MYLK4: variants seen among roughly 807,000 people sequenced by gnomAD.
MYLK4 encodes the protein caMLCK like.
A neutral mutation model predicts 48.1 loss-of-function variants in MYLK4; 46 were observed. The ratio of observed to expected loss-of-function variants is 0.96; its 90% CI spans 0.75 to 1.22. The LOEUF (loss-of-function observed/expected upper bound fraction) is 1.22. Ranked by LOEUF, MYLK4 falls within the 50% of genes most tolerant of loss-of-function variation. MYLK4 has a pLI of 0.00. For synonymous variants in MYLK4, 170 were observed against 180.8 expected (o/e 0.94, Z 0.48); for missense variants, 451 against 486.1 (o/e 0.93, Z 0.68).
At chr6:2,717,472 G>A (rs1026728109) in intron 2 of MYLK4, among the ~76,000 whole-genome samples, 1 of 152,184 alleles carries the variant, frequency 6.6e-6, no homozygotes, top group East Asian at 1.9e-4. Context: ...ATGGCTGTTG[G>A]GCGTTGGGAG....
In MYLK4 at chr6:2,672,923, A is replaced by C. The variant is rs961449851; in HGVS notation, c.1120-1575T>G. 2.0e-5 allele frequency among the ~76,000 whole-genome samples: 3 copies of C among 152,134 alleles called. No homozygotes were observed. The highest frequency in any genetic ancestry group is 2.9e-5 in the Non-Finnish European group (2 of 68,024). Reference sequence around the variant, plus strand: ...AGGAGTCAGTGAGTTATTTTTTGTAAAGCAGTTAGAAGAGTACCTCCACAA... The same window carrying C: ...AGGAGTCAGTGAGTTATTTTTTGTACAGCAGTTAGAAGAGTACCTCCACAA... On this transcript the variant is annotated intron_variant, in intron 11 of 12. Coordinates refer to ENST00000274643, the MANE Select transcript of MYLK4 (RefSeq NM_001012418.5). This position sits in a 1 kb window ranked among gnomAD's most constrained non-coding sequence, Gnocchi z 4.3.
At chr6:2,766,116 A>G in the MYLK4 span, 2 of 1,321,504 alleles carry the variant, frequency 1.5e-6, no homozygotes, top group Admixed American at 4.1e-5. Context: ...GCGCAGGAGG[A>G]GGAGGAGGCC....
At chr6:2,710,668 AG>A (rs1233832381) in intron 2 of MYLK4, among the ~76,000 whole-genome samples, 1 of 144,234 alleles carries the variant, frequency 6.9e-6, no homozygotes, top group African/African-American at 2.6e-5. Context: ...CCTTGGCTGC[AG>A]CACCCAAATA....
intron 2 of MYLK4, among the ~76,000 whole-genome samples, chr6:2,717,633 G>A (rs891265364): frequency 1.3e-5 from 2 of 152,128 alleles, no homozygotes; most frequent in African/African-American, 2.4e-5. Context: ...GCACTAAGAC[G>A]CCCTCATCCA....
intron 2 of MYLK4, among the ~76,000 whole-genome samples, chr6:2,725,647 G>A (rs1187658593): frequency 1.5e-5 from 2 of 135,134 alleles, no homozygotes; most frequent in Non-Finnish European, 3.2e-5. Flanking sequence ...AAGAAGGAAA[G>A]AGAGAGAGAG....
At position 2,679,401 on chromosome 6, in the gene MYLK4, G is replaced by C. The variant is rs1407045616; in HGVS notation, c.766C>G (p.Pro256Ala). 1 of 1,614,052 alleles carries C rather than the reference G, an allele frequency of 6.2e-7. No individual in the cohort carries two copies. Among genetic ancestry groups the C allele is most frequent in the Non-Finnish European group, 8.5e-7 (1 of 1,180,036 alleles). Reference protein sequence around the residue: ...IDFGLARRYKPREKLKVNFGT... With the variant: ...IDFGLARRYKAREKLKVNFGT... The stretch of plus-strand genomic sequence containing the variant: ...AAGTTCACCTTCAGCTTCTCTCTGG[G>C]TTTGTATCTGCAATTTAAGAGACAA... Residue 256 changes from proline to alanine, a missense_variant, in exon 9 of 13, where the codon CCC becomes GCC. By Grantham distance (27) the Pro-to-Ala change is conservative (BLOSUM62 -1). Transcript: ENST00000274643.
At chr6:2,688,311 A>G (rs2004623) in intron 4 of MYLK4, among the ~76,000 whole-genome samples, 57,500 of 152,060 alleles carry the variant, frequency 0.38, 11,519 homozygotes, top group African/African-American at 0.52. Context: ...TGCCCGCCTC[A>G]GTTTCCCAAA....
intron 1 of MYLK4, 58 bp from the exon 2 acceptor site, chr6:2,749,464 G>A (rs1764212493): frequency 2.1e-6 from 1 of 479,658 alleles, no homozygotes; most frequent in African/African-American, 1.9e-5. Context: ...TTGACTTCTT[G>A]AGAAAATGAC....
intron 2 of MYLK4, among the ~76,000 whole-genome samples, chr6:2,700,377 C>T (rs1392975615): frequency 6.6e-6 from 1 of 152,188 alleles, no homozygotes; most frequent in African/African-American, 2.4e-5. Context: ...CCCACCCACA[C>T]CCCAGGGATT....
intron 2 of MYLK4, among the ~76,000 whole-genome samples, chr6:2,697,781 G>A (rs536232116): frequency 5.6e-4 from 86 of 152,354 alleles, no homozygotes; most frequent in Middle Eastern, 3.4e-3. Context: ...TTACTGCAGC[G>A]TTCTCAATGT....
rs527515520 is a variant in MYLK4, at chr6:2,742,650, T to C, written c.159+6486A>G. Among the ~76,000 whole-genome samples the C allele has an allele frequency of 2.2e-3, 312 of 144,970 alleles. 3 individuals are homozygous for C. The highest frequency in any genetic ancestry group is 7.4e-3 in the African/African-American group (289 of 39,212). On this transcript the variant is annotated intron_variant, in intron 2 of 12. Transcript: ENST00000274643. ...ACCGAACACCGCATGTTCTCACTCA[T>C]AGATGGGAATTGAACAATGAGAACA...
chr6:2,730,243 A>T (rs1763429942), intron 2 of MYLK4, among the ~76,000 whole-genome samples: 1 of 152,334 alleles, frequency 6.6e-6, no homozygotes, highest in South Asian at 2.1e-4. Context: ...GTGAGCCAAC[A>T]GGGCACGTAG....
At position 2,673,544 on chromosome 6, in the gene MYLK4, A is replaced by T. The variant is rs1229222652; in HGVS notation, c.1119+1503T>A. On this transcript the variant is annotated intron_variant, in intron 11 of 12. Transcript: ENST00000274643. This position sits in a 1 kb window ranked among gnomAD's most constrained non-coding sequence, Gnocchi z 4.2. ...GCAAAGGTGGAAGAAACAAAAACGT[A>T]TCAAACCCATGCTATACCAGGGCAG... Among the ~76,000 whole-genome samples, 1 of 152,208 alleles carries T rather than the reference A, an allele frequency of 6.6e-6. No individual in the cohort carries two copies. Among genetic ancestry groups the T allele is most frequent in the Admixed American group, 6.5e-5 (1 of 15,278 alleles).
the MYLK4 span, among the ~76,000 whole-genome samples, chr6:2,762,187 G>A: frequency 5.9e-5 from 9 of 152,076 alleles, no homozygotes; most frequent in Non-Finnish European, 8.8e-5. Context: ...TGGGATTACC[G>A]GAGTTTATAT....
intron 2 of MYLK4, among the ~76,000 whole-genome samples, chr6:2,726,406 C>T (rs1763276688): frequency 6.6e-6 from 1 of 152,058 alleles, no homozygotes; most frequent in African/African-American, 2.4e-5. Context: ...GGCCTGAAAC[C>T]AGATCTCAGC....
chr6:2,765,873 C>T, the MYLK4 span: 8 of 1,445,172 alleles, frequency 5.5e-6, no homozygotes, highest in African/African-American at 5.9e-5. Flanking sequence ...AAGCAGCCAG[C>T]CACCCCGACG....
At chr6:2,769,504 A>T in the MYLK4 span, among the ~76,000 whole-genome samples, 4 of 151,786 alleles carry the variant, frequency 2.6e-5, no homozygotes, top group East Asian at 1.9e-4. Context: ...ACTTTAAAAA[A>T]TTTTTTTTTG....
intron 2 of MYLK4, among the ~76,000 whole-genome samples, chr6:2,701,395 GT>G (rs1275577480): frequency 2.0e-5 from 3 of 152,162 alleles, no homozygotes; most frequent in African/African-American, 7.2e-5. Flanking sequence ...GGGGCTTGGT[GT>G]TTCCTAATGT....
At chr6:2,678,444 T>C (rs1177421120) in intron 9 of MYLK4, 72 bp from the exon 10 acceptor site, 1 of 1,515,872 alleles carries the variant, frequency 6.6e-7, no homozygotes, top group African/African-American at 1.4e-5. Flanking sequence ...ATTGCTTTTC[T>C]GGTTGTGCCA....
Sources: gnomAD v4.1 joint callset for allele counts (sites outside exome capture counted in the v4.1 genomes callset) on GRCh38, gnomAD v4.1.1 for gene constraint, Gnocchi (gnomAD v3.1) non-coding constraint, MANE v1.5 for transcripts, NCBI Gene and HGNC (gene_info 2026-07-23, HGNC 2026-07-21) for gene names.